FLT1: variants seen among roughly 807,000 people sequenced by gnomAD.
FLT1 encodes the protein vascular endothelial growth factor receptor 1.
Under a neutral mutation model 156.3 loss-of-function variants are expected in FLT1, and 49 were observed. That is an observed-to-expected ratio of 0.31 (90% CI 0.25 to 0.40). FLT1 has a LOEUF of 0.40. Ranked by LOEUF, FLT1 falls within the 10% of genes least tolerant of loss-of-function variation. FLT1 has a pLI of 1.00. For missense variants in FLT1, 1,322 were observed against 1,637.2 expected (o/e 0.81, Z 3.32); for synonymous variants, 594 against 583.8 (o/e 1.02, Z -0.25).
intron 1 of FLT1, among the ~76,000 whole-genome samples, chr13:28,491,854 A>T (rs1433267619): frequency 2.0e-5 from 3 of 152,234 alleles, no homozygotes; most frequent in Non-Finnish European, 4.4e-5. Context: ...AAAACAAAGT[A>T]CCCACTTGGT....
At chr13:28,421,895 A>G (rs1452418598) in intron 10 of FLT1, among the ~76,000 whole-genome samples, 1 of 152,230 alleles carries the variant, frequency 6.6e-6, no homozygotes, top group East Asian at 1.9e-4. Context: ...CAGATTAAAG[A>G]ACTGGCCAAG....
Position 28,461,721 on chromosome 13 carries a change from C to T in FLT1, c.388+5182G>A, listed in dbSNP as rs190506736. On this transcript the variant is annotated intron_variant, in intron 3 of 29. Transcript: ENST00000282397. ...AGCCAGGTAGAGCCTTTTTTTCCCC[C>T]GCTAAACACATTTATATAAAAGCAT... 7.9e-5 allele frequency among the ~76,000 whole-genome samples: 12 copies of T among 151,644 alleles called. 1 individual carries two copies. The highest frequency in any genetic ancestry group is 2.4e-4 in the African/African-American group (10 of 41,202).
rs747444599 is a variant in FLT1, at chr13:28,303,341, C to T, written c.3843G>A (p.Glu1281=). ...GCCTGCTGACATCAGACAGCCCCGA[C>T]TCCTTACTTTTACTGGTTACTCTCA... The part of the protein sequence containing the change: ...IDLRVTSKSK[E]SGLSDVSRPS... The change falls in exon 30 of 30, where the codon GAG becomes GAA. Residue 1281 remains glutamate (E), a synonymous_variant. Transcript: ENST00000282397. 4 of 1,613,970 alleles carry T rather than the reference C, an allele frequency of 2.5e-6. No individual in the cohort carries two copies. In the African/African-American group the frequency reaches 5.3e-5, roughly 22 times the overall value.
intron 1 of FLT1, among the ~76,000 whole-genome samples, chr13:28,481,442 TACACAC>T (rs397687323): frequency 1.3e-3 from 185 of 142,642 alleles, no homozygotes; most frequent in South Asian, 8.0e-3. Flanking sequence ...CCTCCGCTTA[TACACAC>T]ACACACACAC....
At chr13:28,387,167 G>A (rs1348030062) in intron 13 of FLT1, 1 of 1,035,404 alleles carries the variant, frequency 9.7e-7, no homozygotes, top group Non-Finnish European at 1.2e-6. Context: ...GCAGCAAAAA[G>A]GCTGCAGAAC....
intron 20 of FLT1, among the ~76,000 whole-genome samples, chr13:28,325,837 A>AT (rs1871657297): frequency 6.6e-6 from 1 of 151,322 alleles, no homozygotes; most frequent in Admixed American, 6.6e-5. Context: ...AAAAAAAAAA[A>AT]AGGTTCTTAT....
At chr13:28,363,508 C>T (rs749856164) in intron 14 of FLT1, among the ~76,000 whole-genome samples, 1 of 152,088 alleles carries the variant, frequency 6.6e-6, no homozygotes, top group Non-Finnish European at 1.5e-5. Context: ...TATATCTGTA[C>T]AGAATACAGA....
chr13:28,339,395 T>C, intron 16 of FLT1, 95 bp from the exon 17 acceptor site: 1 of 1,405,976 alleles, frequency 7.1e-7, no homozygotes, highest in Admixed American at 1.9e-5. Context: ...TTGGGATCAT[T>C]TGGTTGAAAC....
intron 14 of FLT1, among the ~76,000 whole-genome samples, chr13:28,380,832 G>A (rs1275608630): frequency 6.6e-6 from 1 of 152,112 alleles, no homozygotes; most frequent in Non-Finnish European, 1.5e-5. Flanking sequence ...AGGCAGCATT[G>A]AACAAGCCAA....
chr13:28,494,281 G>T (rs890063145), intron 1 of FLT1, among the ~76,000 whole-genome samples: 1 of 152,220 alleles, frequency 6.6e-6, no homozygotes, highest in Non-Finnish European at 1.5e-5. Context: ...GCGAGGTCGC[G>T]GCCAGTGCCC....
chr13:28,466,703 A>C (rs1593825883), intron 3 of FLT1, 200 bp downstream of exon 3: 2 of 668,292 alleles, frequency 3.0e-6, no homozygotes, highest in East Asian at 5.6e-5. Context: ...CTCTTTGTGG[A>C]GCACATAGTG....
intron 19 of FLT1, 21 bp downstream of exon 19, chr13:28,329,594 G>A (rs894341994): frequency 6.5e-7 from 1 of 1,537,984 alleles, no homozygotes; most frequent in Non-Finnish European, 9.0e-7. Flanking sequence ...AGACGGAGCC[G>A]GCCCTCCCCT....
chr13:28,342,121 G>T (rs1324178672), intron 16 of FLT1, among the ~76,000 whole-genome samples: 1 of 152,104 alleles, frequency 6.6e-6, no homozygotes, highest in Non-Finnish European at 1.5e-5. Context: ...GACTTCAAAT[G>T]ATCTGCCCGC....
intron 16 of FLT1, among the ~76,000 whole-genome samples, chr13:28,342,457 A>G (rs539129899): frequency 6.6e-6 from 1 of 152,148 alleles, no homozygotes; most frequent in African/African-American, 2.4e-5. Flanking sequence ...CCCTTTCAAA[A>G]CTATTGTGTG....
intron 1 of FLT1, among the ~76,000 whole-genome samples, chr13:28,473,842 G>C (rs1168294632): frequency 7.2e-6 from 1 of 139,578 alleles, no homozygotes; most frequent in African/African-American, 2.8e-5. Context: ...AAGAAAGGAA[G>C]AAAGAAAGAA....
intron 29 of FLT1, among the ~76,000 whole-genome samples, chr13:28,305,409 G>C (rs1254779402): frequency 6.6e-6 from 1 of 151,976 alleles, no homozygotes. Flanking sequence ...AGTTTTAGTA[G>C]AGAAAGGGTT....
At chr13:28,402,966 G>T (rs1021757677) in intron 11 of FLT1, among the ~76,000 whole-genome samples, 1 of 152,168 alleles carries the variant, frequency 6.6e-6, no homozygotes, top group African/African-American at 2.4e-5. Flanking sequence ...TGCTAGTAGA[G>T]ACGGGGTTTT....
chr13:28,354,744 CA>C (rs1872841165), intron 15 of FLT1, among the ~76,000 whole-genome samples: 1 of 151,844 alleles, frequency 6.6e-6, no homozygotes, highest in African/African-American at 2.4e-5. Context: ...CTACAAAAAG[CA>C]GACACAAGAG....
intron 14 of FLT1, among the ~76,000 whole-genome samples, chr13:28,378,815 G>A (rs775785704): frequency 1.3e-5 from 2 of 152,214 alleles, no homozygotes; most frequent in African/African-American, 2.4e-5. Context: ...AAAATTAAAT[G>A]AGTTATCTCC....
Sources: allele counts gnomAD v4.1 joint callset (sites outside exome capture counted in the v4.1 genomes callset), GRCh38; gene constraint gnomAD v4.1.1; transcripts MANE v1.5; gene names NCBI Gene and HGNC (gene_info 2026-07-23, HGNC 2026-07-21).